Variants in NCAM1 observed in about 807,000 individuals in gnomAD.
NCAM1 encodes the protein neural cell adhesion molecule 1, also known as antigen recognized by monoclonal antibody 5.1H11.
NCAM1 carries 14 observed loss-of-function variants against 109.8 expected under a neutral mutation model. That is an observed-to-expected ratio of 0.13 (90% CI 0.08 to 0.20). NCAM1 has a LOEUF of 0.20. Ranked by LOEUF, NCAM1 falls within the 10% of genes least tolerant of loss-of-function variation. The pLI is 1.00. For missense variants in NCAM1, 774 were observed against 1,109.9 expected, an observed-to-expected ratio of 0.70 and a Z score of 4.30; for synonymous variants, 418 against 442.9, an observed-to-expected ratio of 0.94 and a Z score of 0.70.
intron 1 of NCAM1, among the ~76,000 whole-genome samples, chr11:113,178,524 A>ATAT (rs1943238619): frequency 6.6e-6 from 1 of 152,076 alleles, no homozygotes; most frequent in South Asian, 2.1e-4. Context: ...ATATCCGTGG[A>ATAT]CTCTGATGAA....
intron 9 of NCAM1, among the ~76,000 whole-genome samples, chr11:113,230,363 C>T (rs1217665524): frequency 6.6e-6 from 1 of 152,198 alleles, no homozygotes; most frequent in African/African-American, 2.4e-5. Flanking sequence ...TTGCTTGACT[C>T]TTCTGTCTTC....
intron 1 of NCAM1, among the ~76,000 whole-genome samples, chr11:113,127,805 T>G (rs536614523): frequency 3.0e-4 from 45 of 152,198 alleles, no homozygotes; most frequent in African/African-American, 1.0e-3. Flanking sequence ...GGTTCTCAAT[T>G]GAAAGATGGG....
At chr11:113,187,563 C>CTGTGTG (rs33947463) in intron 1 of NCAM1, among the ~76,000 whole-genome samples, 6,460 of 147,194 alleles carry the variant, frequency 0.044, 220 homozygotes, top group East Asian at 0.17. Context: ...GTGTGTGTTT[C>CTGTGTG]TGTGTGTGTG....
chr11:113,231,246 C>T (rs782724000), intron 9 of NCAM1: 1 of 1,536,106 alleles, frequency 6.5e-7, no homozygotes, highest in South Asian at 1.2e-5. Context: ...GACAGGCTGG[C>T]AGTGCAGGTT....
At chr11:112,966,045 T>C (rs1950720721) in intron 1 of NCAM1, among the ~76,000 whole-genome samples, 2 of 152,192 alleles carry the variant, frequency 1.3e-5, no homozygotes, top group Non-Finnish European at 2.9e-5. Flanking sequence ...ACATGTTTTC[T>C]GGTGTCAAGA....
chr11:113,060,031 T>C (rs1279317444), intron 1 of NCAM1, among the ~76,000 whole-genome samples: 2 of 152,238 alleles, frequency 1.3e-5, no homozygotes, highest in African/African-American at 4.8e-5. Context: ...ATACAGAAGA[T>C]TGAATACTGG....
At chr11:113,136,999 C>T (rs551232732) in intron 1 of NCAM1, among the ~76,000 whole-genome samples, 39 of 152,150 alleles carry the variant, frequency 2.6e-4, no homozygotes, top group African/African-American at 8.0e-4. Context: ...AAGGTGGGAA[C>T]GTGGACAGTA....
At chr11:113,181,955 A>G (rs1182359468) in intron 1 of NCAM1, among the ~76,000 whole-genome samples, 9 of 152,198 alleles carry the variant, frequency 5.9e-5, no homozygotes, top group African/African-American at 1.7e-4. Context: ...CATTCGGAAT[A>G]CACATGTCTA....
At position 113,046,795 on chromosome 11, in the gene NCAM1, GAAAGA is replaced by G. The variant is rs1321688032; in HGVS notation, c.52+85137_52+85141del. ...AGAATAATAGATGAAAGAGAAAGAAGAAAGAAAAGAGAGAGAGAGAGAAAGAAAAA... is the reference window on the plus strand; with the variant it reads ...AGAATAATAGATGAAAGAGAAAGAAGAAAGAGAGAGAGAGAGAAAGAAAAA... On this transcript the variant is annotated intron_variant, in intron 1 of 19. Transcript: ENST00000316851. Among the ~76,000 whole-genome samples, 15 of 135,706 alleles carry G rather than the reference GAAAGA, an allele frequency of 1.1e-4. No individual in the cohort carries two copies. In the South Asian group the frequency reaches 2.1e-3, roughly 19 times the overall value. The allele number at this position is 135,706 out of a possible 152,430, so 89.0% of individuals were successfully genotyped here.
chr11:113,097,337 C>A (rs1939647985), intron 1 of NCAM1, among the ~76,000 whole-genome samples: 1 of 152,172 alleles, frequency 6.6e-6, no homozygotes, highest in South Asian at 2.1e-4. Flanking sequence ...AATGATAACT[C>A]ATTTAAGGGT....
intron 1 of NCAM1, among the ~76,000 whole-genome samples, chr11:113,118,695 TG>T (rs1940816771): frequency 6.6e-6 from 1 of 151,820 alleles, no homozygotes; most frequent in South Asian, 2.1e-4. Flanking sequence ...AATTGACGAA[TG>T]GGTTCAGAAT....
chr11:112,973,762 A>G (rs1319218004), intron 1 of NCAM1, among the ~76,000 whole-genome samples: 5 of 152,084 alleles, frequency 3.3e-5, no homozygotes, highest in Non-Finnish European at 5.9e-5. Context: ...GGGATATACA[A>G]TTCGCGTTGG....
intron 17 of NCAM1, among the ~76,000 whole-genome samples, chr11:113,268,319 G>A (rs1946183191): frequency 6.6e-6 from 1 of 152,334 alleles, no homozygotes; most frequent in East Asian, 1.9e-4. Flanking sequence ...GCTTCCTGCT[G>A]CCAAAGCCCA....
At chr11:113,224,820 C>A (rs939343116) in intron 9 of NCAM1, among the ~76,000 whole-genome samples, 2 of 152,226 alleles carry the variant, frequency 1.3e-5, no homozygotes, top group African/African-American at 4.8e-5. Context: ...CCCAGGCAAA[C>A]AGGGTCTGGA....
chr11:113,217,940 T>C (rs1944577676), intron 8 of NCAM1, among the ~76,000 whole-genome samples: 1 of 152,182 alleles, frequency 6.6e-6, no homozygotes, highest in Non-Finnish European at 1.5e-5. Flanking sequence ...ATATGACACA[T>C]ACAAACACCC....
chr11:113,220,945 G>A (rs1484455477), intron 8 of NCAM1, among the ~76,000 whole-genome samples: 2 of 152,078 alleles, frequency 1.3e-5, no homozygotes, highest in African/African-American at 4.8e-5. Flanking sequence ...TCTAGATAAT[G>A]TGGTTAGAAC....
intron 1 of NCAM1, among the ~76,000 whole-genome samples, chr11:113,171,244 G>A (rs1942979966): frequency 1.3e-5 from 2 of 152,202 alleles, no homozygotes; most frequent in African/African-American, 4.8e-5. Flanking sequence ...AAGTGGCAGA[G>A]CCAGAATTTG....
chr11:113,067,264 T>C (rs1591297564), intron 1 of NCAM1, among the ~76,000 whole-genome samples: 1 of 152,226 alleles, frequency 6.6e-6, no homozygotes, highest in Non-Finnish European at 1.5e-5. Context: ...AGACACTTTT[T>C]CCTTCAGCCT....
At chr11:113,105,564 T>C (rs1362029442) in intron 1 of NCAM1, among the ~76,000 whole-genome samples, 1 of 152,194 alleles carries the variant, frequency 6.6e-6, no homozygotes, top group African/African-American at 2.4e-5. Flanking sequence ...TATTCGTACA[T>C]TGAATATCAT....
Sources: gnomAD v4.1 joint callset for allele counts (sites outside exome capture counted in the v4.1 genomes callset) on GRCh38, gnomAD v4.1.1 for gene constraint, MANE v1.5 for transcripts, NCBI Gene and HGNC (gene_info 2026-07-23, HGNC 2026-07-21) for gene names.